The following ADGRL3 variants were observed in gnomAD, a reference collection of about 807,000 sequenced individuals.
ADGRL3 encodes the protein calcium-independent alpha-latrotoxin receptor 3.
Under a neutral mutation model 153.5 loss-of-function variants are expected in ADGRL3, and 62 were observed. That is an observed-to-expected ratio of 0.40 (90% CI 0.33 to 0.50). ADGRL3 has a LOEUF of 0.50. ADGRL3 is among the 20% of genes least tolerant of loss of function. The pLI is 0.47. For synonymous variants in ADGRL3, 710 were observed against 672.5 expected, an observed-to-expected ratio of 1.06 and a Z score of -0.86; for missense variants, 1,641 against 1,859.4, an observed-to-expected ratio of 0.88 and a Z score of 2.16.
At chr4:61,547,081 G>A (rs1316129603) in intron 4 of ADGRL3, among the ~76,000 whole-genome samples, 1 of 152,098 alleles carries the variant, frequency 6.6e-6, no homozygotes, top group African/African-American at 2.4e-5. Context: ...AAAGCATTGT[G>A]TATTTCTTTA....
At chr4:61,235,882 T>C (rs72614714) in intron 1 of ADGRL3, among the ~76,000 whole-genome samples, 39,562 of 152,024 alleles carry the variant, frequency 0.26, 5,175 homozygotes, top group East Asian at 0.37. Flanking sequence ...TTTGTCATTG[T>C]AAATTAATAA....
At chr4:61,416,874 C>T (rs569866062) in intron 2 of ADGRL3, among the ~76,000 whole-genome samples, 1 of 152,228 alleles carries the variant, frequency 6.6e-6, no homozygotes, top group South Asian at 2.1e-4. Context: ...AATAATTATA[C>T]TGCTCGCCAT....
At chr4:61,532,702 A>G (rs1279422267) in intron 4 of ADGRL3, among the ~76,000 whole-genome samples, 1 of 151,704 alleles carries the variant, frequency 6.6e-6, no homozygotes, top group Non-Finnish European at 1.5e-5. Flanking sequence ...AGTGGCCTCA[A>G]ATACAGAGTA....
intron 23 of ADGRL3, among the ~76,000 whole-genome samples, chr4:62,037,041 T>C (rs766226552): frequency 6.6e-6 from 1 of 152,166 alleles, no homozygotes; most frequent in Admixed American, 6.6e-5. Flanking sequence ...AAGAATGCTA[T>C]AAAGTAATTA....
chr4:61,367,483 C>T (rs575214472), intron 1 of ADGRL3, among the ~76,000 whole-genome samples: 371 of 150,594 alleles, frequency 2.5e-3, no homozygotes, highest in Admixed American at 4.3e-3. Context: ...TGAGAATATG[C>T]GGTGTTTGGT....
chr4:61,838,800 T>G (rs1486647490), intron 9 of ADGRL3, among the ~76,000 whole-genome samples: 1 of 152,210 alleles, frequency 6.6e-6, no homozygotes, highest in Non-Finnish European at 1.5e-5. Flanking sequence ...TATTTTTTAT[T>G]GCAGAGGAGG....
intron 6 of ADGRL3, among the ~76,000 whole-genome samples, chr4:61,720,542 T>C (rs1465658348): frequency 6.6e-6 from 1 of 152,218 alleles, no homozygotes; most frequent in East Asian, 1.9e-4. Context: ...AAAGCACTGA[T>C]GGCATGTAGA....
At chr4:61,201,955 G>C (rs1734860891) in intron 1 of ADGRL3, among the ~76,000 whole-genome samples, 190 bp downstream of exon 1, 1 of 152,164 alleles carries the variant, frequency 6.6e-6, no homozygotes, top group Admixed American at 6.5e-5. Context: ...CCTCCTGGCT[G>C]GTGGGCGCTC....
intron 17 of ADGRL3, among the ~76,000 whole-genome samples, chr4:61,977,654 T>C (rs1400742820): frequency 1.3e-5 from 2 of 151,870 alleles, no homozygotes; most frequent in African/African-American, 4.8e-5. Context: ...GTATGAGGAG[T>C]GTTATGATTC....
chr4:61,555,284 G>A (rs761239292), intron 4 of ADGRL3, among the ~76,000 whole-genome samples: 1 of 152,020 alleles, frequency 6.6e-6, no homozygotes, highest in African/African-American at 2.4e-5. Context: ...ATTATTAAAG[G>A]TTCATTAAGA....
At chr4:61,478,731 A>C (rs1425915709) in intron 2 of ADGRL3, among the ~76,000 whole-genome samples, 1 of 152,064 alleles carries the variant, frequency 6.6e-6, no homozygotes, top group Non-Finnish European at 1.5e-5. Context: ...GTTTACTGGC[A>C]GTATTCAGCA....
intron 13 of ADGRL3, among the ~76,000 whole-genome samples, chr4:61,922,542 T>A (rs1456594035): frequency 6.6e-6 from 1 of 152,208 alleles, no homozygotes; most frequent in Non-Finnish European, 1.5e-5. Context: ...CTTTTCTGTT[T>A]TAGGATCCTA....
chr4:61,375,901 T>A (rs2151821894), intron 1 of ADGRL3, among the ~76,000 whole-genome samples: 1 of 152,254 alleles, frequency 6.6e-6, no homozygotes, highest in African/African-American at 2.4e-5. Flanking sequence ...TAGTTTCTCA[T>A]TTTAACAGGA....
At chr4:61,248,415 A>G (rs66792191) in intron 1 of ADGRL3, among the ~76,000 whole-genome samples, 36,268 of 151,960 alleles carry the variant, frequency 0.24, 4,549 homozygotes, top group South Asian at 0.36. Context: ...GCCTCAGTCA[A>G]TTTATTGTTT....
intron 24 of ADGRL3, among the ~76,000 whole-genome samples, chr4:62,042,554 A>G (rs1482210975): frequency 6.6e-6 from 1 of 151,994 alleles, no homozygotes; most frequent in East Asian, 1.9e-4. Context: ...CAGCAAGGGG[A>G]CAGGTGCAAT....
intron 1 of ADGRL3, among the ~76,000 whole-genome samples, chr4:61,282,160 G>A (rs1318002866): frequency 1.3e-5 from 2 of 152,048 alleles, no homozygotes; most frequent in African/African-American, 4.8e-5. Flanking sequence ...ATGAAGCTGA[G>A]AATACTAATT....
chr4:61,922,178 G>T (rs546061891), intron 13 of ADGRL3, among the ~76,000 whole-genome samples: 25 of 152,266 alleles, frequency 1.6e-4, no homozygotes, highest in African/African-American at 5.8e-4. Context: ...GGTCTAGAGA[G>T]ACCCACAATA....
Position 61,931,859 on chromosome 4 carries a change from G to C in ADGRL3, c.2113-2981G>C, listed in dbSNP as rs538898835. ...CTATGAAAAAATATTGCACCTTGTA[G>C]TTTTTTAGTTGCAAAACTAAGATAA... On this transcript the variant is annotated intron_variant, in intron 13 of 26. Coordinates refer to ENST00000683033, the MANE Select transcript of ADGRL3 (RefSeq NM_001387552.1). Among the ~76,000 whole-genome samples, 36 of 152,122 alleles carry C rather than the reference G, an allele frequency of 2.4e-4. No homozygotes were observed. The East Asian group carries it at 2.5e-3, about 11-fold the overall frequency.
chr4:61,781,494 C>G (rs1265417955), intron 8 of ADGRL3, among the ~76,000 whole-genome samples: 1 of 152,048 alleles, frequency 6.6e-6, no homozygotes, highest in Non-Finnish European at 1.5e-5. Context: ...AAATATTTGG[C>G]TTAGTGAGTT....
Sources: allele counts gnomAD v4.1 joint callset (sites outside exome capture counted in the v4.1 genomes callset), GRCh38; gene constraint gnomAD v4.1.1; transcripts MANE v1.5; gene names NCBI Gene and HGNC (gene_info 2026-07-23, HGNC 2026-07-21).